The following PSD3 variants were observed in gnomAD, a reference collection of about 807,000 sequenced individuals.
PSD3 encodes the protein PH and SEC7 domain-containing protein 3.
In PSD3, 49 loss-of-function variants were observed where a neutral mutation model predicts 105.5. That is an observed-to-expected ratio of 0.46 (90% CI 0.37 to 0.59). The LOEUF is 0.59. PSD3 is among the 20% of genes least tolerant of loss of function. The pLI is 0.00. For synonymous variants in PSD3, 557 were observed against 457.8 expected (o/e 1.22, Z -2.77); for missense variants, 1,561 against 1,263.8 (o/e 1.24, Z -3.57).
intron 9 of PSD3, chr8:18,733,595 A>G (rs1803929422): frequency 1.3e-5 from 2 of 152,926 alleles, no homozygotes; most frequent in Non-Finnish European, 2.9e-5. Flanking sequence ...AGCCCAGTTG[A>G]GCCTGGACAA....
At position 18,868,800 on chromosome 8, in the gene PSD3, A is replaced by G. The variant is rs573924611; in HGVS notation, c.1239-731T>C. ...AACGAACATTAGGATAACTAAGTAA[A>G]ATTAAAAACTTGGGAGATAGATCAC... On this transcript the variant is annotated intron_variant, in intron 3 of 15. Coordinates refer to ENST00000327040, the MANE Select transcript of PSD3 (RefSeq NM_015310.4). Among the ~76,000 whole-genome samples, 5 of 152,318 alleles carry G rather than the reference A, an allele frequency of 3.3e-5. No individual in the cohort carries two copies. The East Asian group carries it at 9.6e-4, about 29-fold the overall frequency.
chr8:18,541,408 C>T (rs1188587524), intron 15 of PSD3, among the ~76,000 whole-genome samples: 1 of 152,134 alleles, frequency 6.6e-6, no homozygotes, highest in Non-Finnish European at 1.5e-5. Context: ...CGGATACCCA[C>T]GTTGATGGCA....
At chr8:18,556,908 G>C (rs80104635) in intron 14 of PSD3, among the ~76,000 whole-genome samples, 2,225 of 152,280 alleles carry the variant, frequency 0.015, 52 homozygotes, top group African/African-American at 0.051. Context: ...TCTTACCAAA[G>C]CAGCAGAGTT....
rs146422976 is a variant in PSD3 at position 18,748,476 on chromosome 8, C to T, written c.2172+16973G>A. Among the ~76,000 whole-genome samples the T allele has an allele frequency of 1.8e-3, 267 of 151,770 alleles. 4 individuals carry two copies. The highest frequency in any genetic ancestry group is 0.017 in the East Asian group (88 of 5,130). ...GAGATCGAGACTATCCTGGCTAACA[C>T]GGTGAAACCCCATCTCTACTAAAAA... is the stretch of plus-strand genomic sequence containing the variant. On this transcript the variant is annotated intron_variant, in intron 9 of 15. Transcript: ENST00000327040.
At position 18,673,287 on chromosome 8, in the gene PSD3, C is replaced by T. The variant is rs574623429; in HGVS notation, c.2173-17602G>A. Among the ~76,000 whole-genome samples the T allele has an allele frequency of 1.3e-3, 203 of 152,168 alleles. 1 individual carries two copies. The highest frequency in any genetic ancestry group is 4.4e-3 in the African/African-American group (184 of 41,524). ...AAAATCATACCACAGTCACAATTTG[C>T]AGTTTCATGAATTTTCAGTCCTCAT... On this transcript the variant is annotated intron_variant, in intron 9 of 15. Coordinates refer to ENST00000327040, the MANE Select transcript of PSD3 (RefSeq NM_015310.4).
chr8:18,663,283 C>T (rs1004389140), intron 9 of PSD3, among the ~76,000 whole-genome samples: 7 of 152,074 alleles, frequency 4.6e-5, no homozygotes, highest in Non-Finnish European at 8.8e-5. Context: ...AAAAATTAGC[C>T]AGGTGTGGTG....
intron 10 of PSD3, among the ~76,000 whole-genome samples, chr8:18,640,137 T>C (rs774800155): frequency 4.6e-5 from 7 of 152,144 alleles, no homozygotes; most frequent in Non-Finnish European, 7.4e-5. Context: ...TATTTCATGA[T>C]TGTAGAACTC....
chr8:18,748,550 C>T (rs1270407974), intron 9 of PSD3, among the ~76,000 whole-genome samples: 4 of 151,280 alleles, frequency 2.6e-5, no homozygotes, highest in Non-Finnish European at 5.9e-5. Context: ...GTCCCAGCTA[C>T]TCAGGAGGCT....
intron 9 of PSD3, among the ~76,000 whole-genome samples, chr8:18,670,466 C>G (rs961809380): frequency 2.6e-5 from 4 of 152,108 alleles, no homozygotes; most frequent in African/African-American, 9.7e-5. Context: ...AGGGAAACAG[C>G]AGCGAGGCAG....
At position 18,871,874 on chromosome 8, in the gene PSD3, G is replaced by A; in HGVS notation, c.990C>T (p.Ala330=). ...IDFETSLQRT[A]SPDSKESSKV... ...TGGAAGACTCTTTGCTGTCAGGAGA[G>A]GCTGTTCTTTGCAGTGATGTCTCAA... The change falls in exon 3 of 16, where the codon GCC becomes GCT. Residue 330 remains alanine (A), a synonymous_variant. Coordinates refer to ENST00000327040, the MANE Select transcript of PSD3 (RefSeq NM_015310.4). 6.2e-7 allele frequency: 1 copy of A among 1,614,228 alleles called. No homozygotes were observed. Among genetic ancestry groups the A allele is most frequent in the Non-Finnish European group, 8.5e-7 (1 of 1,180,030 alleles).
intron 9 of PSD3, among the ~76,000 whole-genome samples, chr8:18,685,932 A>G (rs1013555557): frequency 6.6e-6 from 1 of 152,144 alleles, no homozygotes; most frequent in Non-Finnish European, 1.5e-5. Context: ...TAAAAGAAAC[A>G]TGCCCTTTGG....
intron 4 of PSD3, among the ~76,000 whole-genome samples, chr8:18,805,498 A>G (rs560826314): frequency 2.0e-4 from 30 of 152,326 alleles, no homozygotes; most frequent in African/African-American, 7.0e-4. Context: ...AATTGTGGAT[A>G]TTCTTTTTTG....
chr8:18,965,236 A>G (rs1352472193), intron 1 of PSD3, among the ~76,000 whole-genome samples: 1 of 152,222 alleles, frequency 6.6e-6, no homozygotes, highest in Non-Finnish European at 1.5e-5. Flanking sequence ...ATTCAGAAAT[A>G]ATGTCCTTCT....
At chr8:18,628,464 T>A (rs781542901) in intron 11 of PSD3, among the ~76,000 whole-genome samples, 112 of 151,924 alleles carry the variant, frequency 7.4e-4, no homozygotes, top group Admixed American at 4.2e-3. Flanking sequence ...AAAAACAACC[T>A]GCCAAAGGAT....
At chr8:18,791,402 T>G (rs867313974) in intron 8 of PSD3, among the ~76,000 whole-genome samples, 1 of 152,034 alleles carries the variant, frequency 6.6e-6, no homozygotes, top group Non-Finnish European at 1.5e-5. Flanking sequence ...TGGAACAGAA[T>G]AGAGAACCCA....
chr8:18,859,030 T>C (rs1816234487), intron 4 of PSD3, among the ~76,000 whole-genome samples: 1 of 152,160 alleles, frequency 6.6e-6, no homozygotes, highest in African/African-American at 2.4e-5. Flanking sequence ...CTATCTATAG[T>C]GACTACAGCT....
At chr8:18,628,705 G>C (rs1806674858) in intron 11 of PSD3, among the ~76,000 whole-genome samples, 1 of 151,896 alleles carries the variant, frequency 6.6e-6, no homozygotes, top group Non-Finnish European at 1.5e-5. Context: ...GAATTAACTT[G>C]CTATAAGGGT....
At chr8:18,944,886 C>T (rs1178579251) in intron 1 of PSD3, among the ~76,000 whole-genome samples, 1 of 152,158 alleles carries the variant, frequency 6.6e-6, no homozygotes, top group Non-Finnish European at 1.5e-5. Flanking sequence ...CTTTCTCACG[C>T]CACAGAATGT....
At chr8:18,742,205 T>G (rs941670997) in intron 9 of PSD3, among the ~76,000 whole-genome samples, 1 of 152,152 alleles carries the variant, frequency 6.6e-6, no homozygotes, top group Non-Finnish European at 1.5e-5. Flanking sequence ...GCAATATACC[T>G]CTTTAAGAAA....
Sources: allele counts gnomAD v4.1 joint callset (sites outside exome capture counted in the v4.1 genomes callset), GRCh38; gene constraint gnomAD v4.1.1; transcripts MANE v1.5; gene names NCBI Gene and HGNC (gene_info 2026-07-23, HGNC 2026-07-21).